KLHL32: variants seen among roughly 807,000 people sequenced by gnomAD.
The protein encoded by KLHL32 is kelch like family member 32, also known as kelch-like protein 32.
In KLHL32, 35 loss-of-function variants were observed where a neutral mutation model predicts 64.8. That is an observed-to-expected ratio of 0.54 (90% CI 0.41 to 0.72). The LOEUF is 0.72. Ranked by LOEUF, KLHL32 falls within the 30% of genes least tolerant of loss-of-function variation. The pLI, the probability that KLHL32 is intolerant of heterozygous loss-of-function variation, is 0.00. For missense variants in KLHL32, 589 were observed against 768.5 expected (o/e 0.77, Z 2.76); for synonymous variants, 259 against 281.0 (o/e 0.92, Z 0.78).
At chr6:97,108,575 TC>T (rs1386670599) in intron 6 of KLHL32, among the ~76,000 whole-genome samples, 2 of 152,252 alleles carry the variant, frequency 1.3e-5, no homozygotes, top group Non-Finnish European at 2.9e-5. Context: ...TTTTGAATTT[TC>T]TTTGCCATTT....
At chr6:97,007,701 A>G (rs1416089542) in intron 3 of KLHL32, among the ~76,000 whole-genome samples, 4 of 152,044 alleles carry the variant, frequency 2.6e-5, no homozygotes, top group Non-Finnish European at 5.9e-5. Flanking sequence ...TGATTGTGCT[A>G]TAAGGTAGGT....
Position 97,130,695 on chromosome 6 carries a change from G to C in KLHL32, c.1414-62G>C. On this transcript the variant is annotated intron_variant, in intron 8 of 10. Coordinates refer to ENST00000369261, the MANE Select transcript of KLHL32 (RefSeq NM_052904.4). The stretch of plus-strand genomic sequence containing the variant: ...GGTTCTCACTACTTATGAGGCACTC[G>C]TTGCTGTTTTCTGACATGGAGGTCT... 5.9e-6 allele frequency: 8 copies of C among 1,353,100 alleles called. 1 individual carries two copies. The highest frequency in any genetic ancestry group is 8.1e-6 in the Non-Finnish European group (8 of 985,564). 83.8% of individuals were successfully genotyped at this position (1,353,100 alleles called of 1,614,324 possible).
upstream of KLHL32, among the ~76,000 whole-genome samples, chr6:96,920,813 C>G (rs1768730473): frequency 6.6e-6 from 1 of 152,118 alleles, no homozygotes. Flanking sequence ...TCTCCCTCCC[C>G]TTTTCTCTCT....
At chr6:97,098,656 G>A (rs1795305667) in intron 6 of KLHL32, among the ~76,000 whole-genome samples, 2 of 152,112 alleles carry the variant, frequency 1.3e-5, no homozygotes, top group African/African-American at 4.8e-5. Flanking sequence ...CTGTTTTAAT[G>A]CAGCCCTTAT....
intron 7 of KLHL32, among the ~76,000 whole-genome samples, chr6:97,116,722 C>T (rs576532490): frequency 3.3e-5 from 5 of 152,282 alleles, no homozygotes; most frequent in South Asian, 2.1e-4. Context: ...CTCTTAGACT[C>T]GCTAGATCCG....
intron 9 of KLHL32, among the ~76,000 whole-genome samples, chr6:97,131,902 C>G (rs1157216556): frequency 6.6e-6 from 1 of 152,250 alleles, no homozygotes; most frequent in East Asian, 1.9e-4. Flanking sequence ...GTGATTCTGC[C>G]TGCTGTAAGA....
At position 97,114,082 on chromosome 6, in the gene KLHL32, C is replaced by T; in HGVS notation, c.927C>T (p.Tyr309=). The T allele has an allele frequency of 6.2e-7, 1 of 1,614,224 alleles. No homozygotes were observed. Among genetic ancestry groups the T allele is most frequent in the Non-Finnish European group, 8.5e-7 (1 of 1,180,038 alleles). Residue 309 remains tyrosine, a synonymous_variant, in exon 7 of 11, where the codon TAC becomes TAT. Transcript: ENST00000369261. Reference sequence around the variant, plus strand: ...TCTGCAAGGTCAAGGAACTTCGGTACTTCAATCCTGTTGATCAGGAGAATG... The same window carrying T: ...TCTGCAAGGTCAAGGAACTTCGGTATTTCAATCCTGTTGATCAGGAGAATG... ...REVCKVKELR[Y]FNPVDQENAL...
intron 3 of KLHL32, among the ~76,000 whole-genome samples, chr6:97,029,056 A>G (rs1015513650): frequency 3.3e-5 from 5 of 152,222 alleles, no homozygotes; most frequent in African/African-American, 1.2e-4. Context: ...TGAGTTACCC[A>G]ACTGCATGGT....
At chr6:97,135,577 C>T (rs1401324665) in intron 10 of KLHL32, among the ~76,000 whole-genome samples, 5 of 152,150 alleles carry the variant, frequency 3.3e-5, no homozygotes, top group South Asian at 2.1e-4. Context: ...GGATTACAGG[C>T]GTGAGCCACT....
intron 3 of KLHL32, among the ~76,000 whole-genome samples, chr6:97,004,189 C>G (rs1779384637): frequency 6.6e-6 from 1 of 152,048 alleles, no homozygotes; most frequent in Non-Finnish European, 1.5e-5. Context: ...AGAGATCTTT[C>G]ACCTCCCTGG....
intron 6 of KLHL32, among the ~76,000 whole-genome samples, chr6:97,098,501 A>C (rs999349514): frequency 3.9e-5 from 6 of 152,168 alleles, no homozygotes; most frequent in Non-Finnish European, 8.8e-5. Context: ...TTGTAATTTT[A>C]CTTCAAGTGT....
chr6:96,966,936 C>T, intron 1 of KLHL32, 60 bp from the exon 2 acceptor site: 2 of 771,370 alleles, frequency 2.6e-6, no homozygotes, highest in Admixed American at 2.0e-5. Flanking sequence ...TCAGGAAGAC[C>T]CAGAGTGTGC....
At chr6:96,917,734 G>C in the KLHL32 span, among the ~76,000 whole-genome samples, 2 of 152,142 alleles carry the variant, frequency 1.3e-5, no homozygotes, top group Non-Finnish European at 2.9e-5. Context: ...ACGGGCTTAA[G>C]AGACTTCAGG....
At chr6:97,102,265 C>T (rs1315469319) in intron 6 of KLHL32, among the ~76,000 whole-genome samples, 1 of 152,174 alleles carries the variant, frequency 6.6e-6, no homozygotes, top group Non-Finnish European at 1.5e-5. Flanking sequence ...TTTCCCTGGC[C>T]ATTTCAGCTG....
At chr6:96,940,241 GA>G (rs1347447487) in intron 1 of KLHL32, among the ~76,000 whole-genome samples, 1 of 152,112 alleles carries the variant, frequency 6.6e-6, no homozygotes, top group Non-Finnish European at 1.5e-5. Context: ...GAAAACATTG[GA>G]CCCATAATAT....
the KLHL32 span, among the ~76,000 whole-genome samples, chr6:96,899,140 G>A: frequency 2.6e-5 from 4 of 152,230 alleles, no homozygotes; most frequent in Admixed American, 2.6e-4. Context: ...TAATTTAAAT[G>A]CCCTTTATTT....
chr6:97,027,935 T>C (rs1782974665), intron 3 of KLHL32, among the ~76,000 whole-genome samples: 1 of 152,208 alleles, frequency 6.6e-6, no homozygotes, highest in Non-Finnish European at 1.5e-5. Context: ...AGTGAACTCA[T>C]TGACCTTCTC....
At chr6:96,920,195 G>A (rs368053576), upstream of KLHL32, among the ~76,000 whole-genome samples, 2 of 152,180 alleles carry the variant, frequency 1.3e-5, no homozygotes, top group African/African-American at 4.8e-5. Context: ...CCTGGTCAAG[G>A]AAAATCCTTG....
chr6:96,972,148 A>G (rs1775183558), intron 2 of KLHL32, among the ~76,000 whole-genome samples: 1 of 152,186 alleles, frequency 6.6e-6, no homozygotes, highest in African/African-American at 2.4e-5. Context: ...CATGATGCCC[A>G]GCCCTAAAAA....
Sources: allele counts gnomAD v4.1 joint callset (sites outside exome capture counted in the v4.1 genomes callset), GRCh38; gene constraint gnomAD v4.1.1; transcripts MANE v1.5; gene names NCBI Gene and HGNC (gene_info 2026-07-23, HGNC 2026-07-21).